Variants in ANKH observed in about 807,000 individuals in gnomAD.
The protein encoded by ANKH is ANKH inorganic pyrophosphate transport regulator.
In ANKH, 15 loss-of-function variants were observed where a neutral mutation model predicts 49.0. The ratio of observed to expected loss-of-function variants is 0.31; its 90% confidence interval spans 0.20 to 0.47. The LOEUF (loss-of-function observed/expected upper bound fraction) is 0.47. ANKH is among the 20% of genes least tolerant of loss of function. The probability of loss-of-function intolerance (pLI) is 1.00; values close to 1 mark genes in which losing one functional copy is unlikely to be tolerated. For synonymous variants in ANKH, 273 were observed against 260.0 expected, an observed-to-expected ratio of 1.05 and a Z score of -0.48; for missense variants, 429 against 652.0, an observed-to-expected ratio of 0.66 and a Z score of 3.72.
intron 1 of ANKH, among the ~76,000 whole-genome samples, chr5:14,822,867 T>C (rs1378445188): frequency 6.6e-6 from 1 of 152,122 alleles, no homozygotes; most frequent in African/African-American, 2.4e-5. Context: ...ACCCTGTCTC[T>C]ACTAAAAATA....
chr5:14,714,696 A>C (rs1175657365), intron 9 of ANKH, among the ~76,000 whole-genome samples: 1 of 152,080 alleles, frequency 6.6e-6, no homozygotes, highest in African/African-American at 2.4e-5. Flanking sequence ...ACCAAAGGAG[A>C]GAGTCAGGAT....
intron 1 of ANKH, among the ~76,000 whole-genome samples, chr5:14,783,780 T>G (rs1169290083): frequency 6.6e-6 from 1 of 152,226 alleles, no homozygotes; most frequent in Admixed American, 6.5e-5. Flanking sequence ...CTTTGAAAAT[T>G]GCTAAAGATG....
At chr5:14,858,100 A>G (rs992774772) in intron 1 of ANKH, among the ~76,000 whole-genome samples, 1 of 152,264 alleles carries the variant, frequency 6.6e-6, no homozygotes, top group Non-Finnish European at 1.5e-5. Flanking sequence ...GATGGAAGCT[A>G]GGAGCATTAA....
At chr5:14,780,358 C>T (rs1017461692) in intron 1 of ANKH, among the ~76,000 whole-genome samples, 8 of 152,156 alleles carry the variant, frequency 5.3e-5, no homozygotes, top group Non-Finnish European at 8.8e-5. Context: ...GCCTGGCCAA[C>T]GTGGCAAAAC....
intron 1 of ANKH, among the ~76,000 whole-genome samples, chr5:14,785,016 CG>C (rs1290410157): frequency 6.6e-6 from 1 of 152,154 alleles, no homozygotes; most frequent in Non-Finnish European, 1.5e-5. Context: ...TTCAATCTGC[CG>C]CGTGCGGTGG....
chr5:14,772,304 T>C (rs1220714874), intron 1 of ANKH, among the ~76,000 whole-genome samples: 1 of 152,186 alleles, frequency 6.6e-6, no homozygotes, highest in African/African-American at 2.4e-5. Context: ...AAAGCACTGT[T>C]AGGAAGAAAT....
intron 8 of ANKH, among the ~76,000 whole-genome samples, chr5:14,733,041 C>T (rs1193623104): frequency 1.3e-5 from 2 of 152,176 alleles, no homozygotes; most frequent in Non-Finnish European, 2.9e-5. Flanking sequence ...AGCTCCAGTT[C>T]GTGCACCCTG....
rs1739395584 is a variant in ANKH, at chr5:14,770,385, C to T, written c.97-1194G>A. Among the ~76,000 whole-genome samples, 1 of 152,084 alleles carries T rather than the reference C, an allele frequency of 6.6e-6. No individual in the cohort carries two copies. The highest frequency in any genetic ancestry group is 2.4e-5 in the African/African-American group (1 of 41,398). On this transcript the variant is annotated intron_variant, in intron 1 of 11. Transcript: ENST00000284268. The surrounding 1 kb of genome is among the most constrained non-coding windows in gnomAD (Gnocchi z 4.1). Reference sequence around the variant, plus strand: ...TACATTCTAAGACCCCCAGTGAATGCCTGAAACCATGGAAAGTACCTATGT... The same window carrying T: ...TACATTCTAAGACCCCCAGTGAATGTCTGAAACCATGGAAAGTACCTATGT...
Position 14,706,747 on chromosome 5 carries a change from CATG to C in ANKH, c.*4447_*4449del, listed in dbSNP as rs1465231324. ...TGTGATTAGATCAGTTGATGAGTCACATGATGTTTTTTGCTGCTTCAATGACAG... is the reference window on the plus strand; with the variant it reads ...TGTGATTAGATCAGTTGATGAGTCACATGTTTTTTGCTGCTTCAATGACAG... On this transcript the variant is annotated 3_prime_UTR_variant, in exon 12 of 12. Transcript: ENST00000284268. 3.3e-5 allele frequency: 5 copies of C among 152,182 alleles called. No homozygotes were observed. The highest frequency in any genetic ancestry group is 7.3e-5 in the Non-Finnish European group (5 of 68,046). The allele number at this position is 152,182 out of a possible 1,614,324, so 9.4% of individuals were successfully genotyped here. A position where few individuals can be genotyped will look rare whatever the true frequency, so the allele number is the denominator to read the frequency against.
chr5:14,782,900 G>A (rs938981497), intron 1 of ANKH, among the ~76,000 whole-genome samples: 4 of 152,062 alleles, frequency 2.6e-5, no homozygotes, highest in Non-Finnish European at 4.4e-5. Context: ...CCTCTATAGC[G>A]GCCTACTGAA....
chr5:14,780,670 T>A (rs1224526583), intron 1 of ANKH, among the ~76,000 whole-genome samples: 3 of 152,226 alleles, frequency 2.0e-5, no homozygotes, highest in African/African-American at 7.2e-5. Context: ...TTATGTGAAA[T>A]GCTGAAAGTT....
Position 14,711,189 on chromosome 5 carries a change from C to A in ANKH, c.*8G>T. ...ACTGTCCCTGCAGTGCCCATGGCGT[C>A]CCGTGCCTTATTCATTCTCCTCTCT... On this transcript the variant is annotated 3_prime_UTR_variant, in exon 12 of 12. Transcript: ENST00000284268. 1 of 1,610,578 alleles carries A rather than the reference C, an allele frequency of 6.2e-7. No individual in the cohort carries two copies. Among genetic ancestry groups the A allele is most frequent in the Non-Finnish European group, 8.5e-7 (1 of 1,176,818 alleles).
intron 1 of ANKH, among the ~76,000 whole-genome samples, chr5:14,792,805 C>G (rs1297821730): frequency 6.6e-6 from 1 of 150,406 alleles, no homozygotes; most frequent in African/African-American, 2.5e-5. Context: ...TAAAACCCTG[C>G]CTCTACTAAA....
At chr5:14,724,133 C>A (rs1181171665) in intron 8 of ANKH, among the ~76,000 whole-genome samples, 1 of 152,160 alleles carries the variant, frequency 6.6e-6, no homozygotes. Context: ...GCCTAACCAA[C>A]ATGGAGAAGC....
At chr5:14,775,599 A>T (rs1402522961) in intron 1 of ANKH, among the ~76,000 whole-genome samples, 1 of 152,164 alleles carries the variant, frequency 6.6e-6, no homozygotes, top group Non-Finnish European at 1.5e-5. Context: ...GCCCCTCTAA[A>T]GAGGTGACGT....
chr5:14,866,854 T>A (rs1448489491), intron 1 of ANKH, among the ~76,000 whole-genome samples: 2 of 152,136 alleles, frequency 1.3e-5, no homozygotes, highest in Non-Finnish European at 2.9e-5. Flanking sequence ...CTTTTAATCA[T>A]CCTACATCTG....
chr5:14,746,667 T>TG (rs1738553309), intron 6 of ANKH, among the ~76,000 whole-genome samples: 1 of 152,232 alleles, frequency 6.6e-6, no homozygotes, highest in Non-Finnish European at 1.5e-5. Flanking sequence ...AGGTCTGCTT[T>TG]GGGAAAGTGC....
At chr5:14,843,678 A>C (rs564390904) in intron 1 of ANKH, among the ~76,000 whole-genome samples, 3 of 152,210 alleles carry the variant, frequency 2.0e-5, no homozygotes, top group Admixed American at 2.0e-4. Context: ...GAGAAGACTC[A>C]AGCTTAACAT....
chr5:14,829,997 C>A (rs1741455504), intron 1 of ANKH, among the ~76,000 whole-genome samples: 2 of 152,100 alleles, frequency 1.3e-5, no homozygotes, highest in Admixed American at 6.5e-5. Context: ...CTGGATTGGG[C>A]AAGAGGAAGA....
Sources: allele counts gnomAD v4.1 joint callset (sites outside exome capture counted in the v4.1 genomes callset), GRCh38; gene constraint gnomAD v4.1.1; non-coding constraint Gnocchi (gnomAD v3.1); transcripts MANE v1.5; gene names NCBI Gene and HGNC (gene_info 2026-07-23, HGNC 2026-07-21).